The following ZNF592 variants were observed in gnomAD, a reference collection of about 807,000 sequenced individuals.
ZNF592 encodes the protein zinc finger protein 592.
A neutral mutation model predicts 80.3 loss-of-function variants in ZNF592; 11 were observed. That is an observed-to-expected ratio of 0.14 (90% CI 0.09 to 0.23). The LOEUF (loss-of-function observed/expected upper bound fraction) is 0.23, where lower values mean the gene tolerates loss of function less well. Ranked by LOEUF, ZNF592 falls within the 10% of genes least tolerant of loss-of-function variation. The pLI is 1.00. For missense variants in ZNF592, 1,420 were observed against 1,633.9 expected, an observed-to-expected ratio of 0.87 and a Z score of 2.26; for synonymous variants, 646 against 640.3, an observed-to-expected ratio of 1.01 and a Z score of -0.13.
intron 2 of ZNF592, among the ~76,000 whole-genome samples, chr15:84,773,933 A>G (rs768224051): frequency 3.7e-4 from 56 of 152,242 alleles, no homozygotes; most frequent in Middle Eastern, 3.2e-3. Context: ...GGGCAGGATC[A>G]CAAGTTCTGC....
At position 84,784,265 on chromosome 15, in the gene ZNF592, G is replaced by T; in HGVS notation, c.1590G>T (p.Gln530His). ...AGTCTTCAGTGCAAAGACGGAGCCA[G>T]CCACAGCTTACACAAATGTCGGTGC... ...TAKSSVQRRS[Q>H]PQLTQMSVPL... The change falls in exon 4 of 11, where the codon CAG becomes CAT. Residue 530 changes from glutamine (Q) to histidine (H), a missense_variant. Physicochemically the swap from Gln to His is conservative, Grantham distance 24 (BLOSUM62 0). Around this residue, in one of 7 missense-constraint regions of ZNF592, gnomAD observed 524 missense variants for 628.3 expected, o/e 0.83. Coordinates refer to ENST00000560079, the MANE Select transcript of ZNF592 (RefSeq NM_014630.3). This position sits in a 1 kb window ranked among gnomAD's most constrained non-coding sequence, Gnocchi z 5.8. The T allele has an allele frequency of 1.2e-6, 2 of 1,614,248 alleles. No homozygotes were observed. Among genetic ancestry groups the T allele is most frequent in the African/African-American group, 2.7e-5 (2 of 75,070 alleles).
chr15:84,799,586 T>G lies in ZNF592; in HGVS notation c.3138-256T>G, dbSNP rs891774928. On this transcript the variant is annotated intron_variant, in intron 9 of 10. Transcript: ENST00000560079. This position sits in a 1 kb window ranked among gnomAD's most constrained non-coding sequence, Gnocchi z 4.2. ...TTCACTGTGACTACTAGCCTAGCACTTGGGTCTCTGGGCGGTGACATCAGG... is the reference window on the plus strand; with the variant it reads ...TTCACTGTGACTACTAGCCTAGCACGTGGGTCTCTGGGCGGTGACATCAGG... Among the ~76,000 whole-genome samples, 1 of 152,212 alleles carries G rather than the reference T, an allele frequency of 6.6e-6. No individual in the cohort carries two copies. The highest frequency in any genetic ancestry group is 1.5e-5 in the Non-Finnish European group (1 of 68,026).
At chr15:84,758,217 C>T (rs1023137880) in intron 1 of ZNF592, among the ~76,000 whole-genome samples, 8 of 151,664 alleles carry the variant, frequency 5.3e-5, no homozygotes, top group African/African-American at 1.9e-4. Flanking sequence ...TTGTGATCCA[C>T]CCGCCTCGGC....
rs1037411597 is a variant in ZNF592, at chr15:84,784,974, C to T, written c.2220+79C>T. ...ATGACTGGGCATGGAGAGGAAAGCT[C>T]ATTGATATGGGGGCAGTGGTGGAAT... On this transcript the variant is annotated intron_variant, in intron 4 of 10. Transcript: ENST00000560079. This position sits in a 1 kb window ranked among gnomAD's most constrained non-coding sequence, Gnocchi z 5.8. The T allele has an allele frequency of 6.8e-6, 10 of 1,481,306 alleles. No individual in the cohort carries two copies. Among genetic ancestry groups the T allele is most frequent in the Non-Finnish European group, 7.5e-6 (8 of 1,061,154 alleles). The allele number at this position is 1,481,306 out of a possible 1,614,324, so 91.8% of individuals were successfully genotyped here.
At position 84,804,068 on chromosome 15, in the gene ZNF592, T is replaced by C. The variant is rs1963177833; in HGVS notation, c.*1675T>C. On this transcript the variant is annotated 3_prime_UTR_variant, in exon 11 of 11. Coordinates refer to ENST00000560079, the MANE Select transcript of ZNF592 (RefSeq NM_014630.3). ...TCAAATGCCAAGTTTTTAGTGGAAA[T>C]GCTAATGGCAGTGGGAAAGGTTGCC... 6.6e-6 allele frequency: 1 copy of C among 152,262 alleles called. No individual in the cohort carries two copies. The highest frequency in any genetic ancestry group is 1.5e-5 in the Non-Finnish European group (1 of 68,048). 9.4% of individuals were successfully genotyped at this position (152,262 alleles called of 1,614,324 possible).
At chr15:84,764,927 A>C (rs1203911650) in intron 2 of ZNF592, 112 bp downstream of exon 2, 1 of 393,944 alleles carries the variant, frequency 2.5e-6, no homozygotes, top group Non-Finnish European at 4.5e-6. Context: ...TTTGATGATA[A>C]AATACATATA....
Position 84,767,471 on chromosome 15 carries a change from G to C in ZNF592, c.-150+2656G>C, listed in dbSNP as rs143428961. Among the ~76,000 whole-genome samples the C allele has an allele frequency of 2.2e-3, 335 of 152,296 alleles. 1 individual carries two copies. The highest frequency in any genetic ancestry group is 7.6e-3 in the African/African-American group (314 of 41,552). On this transcript the variant is annotated intron_variant, in intron 2 of 10. Coordinates refer to ENST00000560079, the MANE Select transcript of ZNF592 (RefSeq NM_014630.3). The stretch of plus-strand genomic sequence containing the variant: ...AAGTTTACTGGGAGGAACACACCAG[G>C]ATGGTGTGTGAACAAGAGGAGTCCT...
intron 4 of ZNF592, among the ~76,000 whole-genome samples, chr15:84,785,392 A>G (rs964849666): frequency 4.0e-5 from 6 of 151,788 alleles, no homozygotes; most frequent in African/African-American, 1.5e-4. Flanking sequence ...GTTCACTACA[A>G]CCTCTGCCTC....
intron 1 of ZNF592, among the ~76,000 whole-genome samples, chr15:84,752,148 AATTT>A (rs1899032717): frequency 6.6e-6 from 1 of 152,136 alleles, no homozygotes; most frequent in African/African-American, 2.4e-5. Context: ...ATGTATAGAT[AATTT>A]ATTTCTTGAA....
intron 1 of ZNF592, among the ~76,000 whole-genome samples, chr15:84,763,639 ATAAT>A (rs915847775): frequency 3.9e-5 from 6 of 152,218 alleles, no homozygotes; most frequent in Non-Finnish European, 5.9e-5. Context: ...TAGAATTGAG[ATAAT>A]TAGTTTCTTT....
At chr15:84,787,249 T>G (rs1425905092) in intron 4 of ZNF592, among the ~76,000 whole-genome samples, 3 of 152,090 alleles carry the variant, frequency 2.0e-5, no homozygotes, top group African/African-American at 7.2e-5. Context: ...TCTGTGTCAT[T>G]CTGCCCTAGT....
intron 3 of ZNF592, 31 bp downstream of exon 3, chr15:84,778,343 T>A (rs1962323538): frequency 4.6e-6 from 1 of 217,428 alleles, no homozygotes; most frequent in Non-Finnish European, 9.3e-6. Context: ...GGAGGCGGTG[T>A]TTGATTTGCA....
At chr15:84,767,038 A>C (rs1899548000) in intron 2 of ZNF592, among the ~76,000 whole-genome samples, 1 of 152,080 alleles carries the variant, frequency 6.6e-6, no homozygotes, top group South Asian at 2.1e-4. Context: ...TCCGTAGCCC[A>C]AGCTGGAATG....
At chr15:84,800,103 A>G (rs1596136363) in intron 10 of ZNF592, 126 bp downstream of exon 10, 2 of 1,439,962 alleles carry the variant, frequency 1.4e-6, no homozygotes, top group East Asian at 4.6e-5. Context: ...AATGTGGGTC[A>G]CTCTCTAGTC....
At chr15:84,781,027 T>C (rs1235074987) in intron 3 of ZNF592, among the ~76,000 whole-genome samples, 4 of 152,026 alleles carry the variant, frequency 2.6e-5, no homozygotes, top group African/African-American at 9.7e-5. Flanking sequence ...GATTTCATAA[T>C]GAGAATTTTT....
At chr15:84,789,734 T>G (rs1225835503) in intron 4 of ZNF592, among the ~76,000 whole-genome samples, 3 of 152,220 alleles carry the variant, frequency 2.0e-5, no homozygotes, top group Non-Finnish European at 4.4e-5. Flanking sequence ...AATGCTCATG[T>G]TATCCTATCT....
chr15:84,784,648 C>T lies in ZNF592; in HGVS notation c.1973C>T (p.Ala658Val), dbSNP rs752895625. ...CAGCTGCTGGTGAAGCCTATCTCTG[C>T]GGACCAAATGTTCGTGTCGGCCCCT... is the stretch of plus-strand genomic sequence containing the variant. ...CSQLLVKPIS[A>V]DQMFVSAPVN... The change falls in exon 4 of 11, where the codon GCG (alanine) becomes GTG (valine). Residue 658 changes from alanine to valine, a missense_variant. Around this residue, in one of 7 missense-constraint regions of ZNF592, gnomAD observed 524 missense variants for 628.3 expected, o/e 0.83. Coordinates refer to ENST00000560079, the MANE Select transcript of ZNF592 (RefSeq NM_014630.3). The surrounding 1 kb of genome is among the most constrained non-coding windows in gnomAD (Gnocchi z 5.8). 36 of 1,614,048 alleles carry T rather than the reference C, an allele frequency of 2.2e-5. No individual in the cohort carries two copies. The highest frequency in any genetic ancestry group is 5.5e-5 in the South Asian group (5 of 91,084).
intron 4 of ZNF592, among the ~76,000 whole-genome samples, chr15:84,788,393 A>G (rs1361835915): frequency 1.3e-5 from 2 of 152,164 alleles, no homozygotes; most frequent in Non-Finnish European, 2.9e-5. Flanking sequence ...AATTCTGTAT[A>G]AAGTATATTT....
In ZNF592 at chr15:84,805,852, C is replaced by T. The variant is rs950030856; in HGVS notation, c.*3459C>T. ...CATGGAGGTCAGCCTCTAGTCCCCT[C>T]TCCAGAGTTAATCACTGTTATCTAT... On this transcript the variant is annotated 3_prime_UTR_variant, in exon 11 of 11. Transcript: ENST00000560079. 2.0e-5 allele frequency: 3 copies of T among 152,610 alleles called. No individual in the cohort carries two copies. The highest frequency in any genetic ancestry group is 7.2e-5 in the African/African-American group (3 of 41,426). 9.5% of individuals were successfully genotyped at this position (152,610 alleles called of 1,614,324 possible). A position where few individuals can be genotyped will look rare whatever the true frequency, so the allele number is the denominator to read the frequency against.
Sources: gnomAD v4.1 joint callset for allele counts (sites outside exome capture counted in the v4.1 genomes callset) on GRCh38, gnomAD v4.1.1 for gene constraint, gnomAD v4.1.1 regional missense constraint, Gnocchi (gnomAD v3.1) non-coding constraint, MANE v1.5 for transcripts, NCBI Gene and HGNC (gene_info 2026-07-23, HGNC 2026-07-21) for gene names.